Variants in CEP192 observed in about 807,000 individuals in gnomAD.
CEP192 encodes the protein centrosomal protein of 192 kDa.
CEP192 carries 151 observed loss-of-function variants against 271.8 expected under a neutral mutation model. The ratio of observed to expected loss-of-function variants is 0.56; its 90% confidence interval spans 0.49 to 0.64. The LOEUF is 0.64. Ranked by LOEUF, CEP192 falls within the 30% of genes least tolerant of loss-of-function variation. The pLI is 0.00. For missense variants in CEP192, 2,910 were observed against 3,020.5 expected (o/e 0.96, Z 0.86); for synonymous variants, 995 against 1,076.5 (o/e 0.92, Z 1.48).
chr18:13,006,657 G>A (rs929012964), intron 3 of CEP192, among the ~76,000 whole-genome samples: 19 of 151,896 alleles, frequency 1.3e-4, no homozygotes, highest in Admixed American at 1.0e-3. Context: ...TGTCTGATTT[G>A]TGGCTGTCTT....
At chr18:13,078,914 G>C (rs2038438768) in intron 30 of CEP192, among the ~76,000 whole-genome samples, 1 of 152,086 alleles carries the variant, frequency 6.6e-6, no homozygotes, top group African/African-American at 2.4e-5. Context: ...GTGATAGTTT[G>C]CTGAGAATGA....
intron 7 of CEP192, among the ~76,000 whole-genome samples, chr18:13,017,561 C>G (rs1396173493): frequency 6.6e-6 from 1 of 152,212 alleles, no homozygotes; most frequent in East Asian, 1.9e-4. Flanking sequence ...CATCTACACC[C>G]TCTTCCTCCA....
chr18:13,020,195 T>C (rs1257209736), intron 9 of CEP192, among the ~76,000 whole-genome samples: 1 of 152,198 alleles, frequency 6.6e-6, no homozygotes, highest in Admixed American at 6.5e-5. Flanking sequence ...CTCTTCATCT[T>C]GTAAAACAAA....
At chr18:13,104,037 G>A in intron 39 of CEP192, 2 of 355,446 alleles carry the variant, frequency 5.6e-6, no homozygotes, top group South Asian at 4.2e-5. Flanking sequence ...TTTCTCTTTA[G>A]ATGAGGATGA....
In CEP192 at chr18:13,038,580, GT is replaced by G; in HGVS notation, c.1809+2del. 6.5e-7 allele frequency: 1 copy of G among 1,549,716 alleles called. No individual in the cohort carries two copies. The highest frequency in any genetic ancestry group is 8.7e-7 in the Non-Finnish European group (1 of 1,145,312). On this transcript the variant is annotated splice_donor_variant, in intron 13 of 44. Coordinates refer to ENST00000506447, the MANE Select transcript of CEP192 (RefSeq NM_032142.4). LOFTEE classifies it high-confidence loss of function. ...TGGTGGTGGTAACAATGTGAAAAGA[GT>G]AAGTATGGAATCTGTTGGAAGTGCT...
At position 13,030,010 on chromosome 18, in the gene CEP192, G is replaced by C; in HGVS notation, c.1390+8G>C. ...TCGAAAAGAATAAAGACAGTAAGTG[G>C]ACTTTTTAAAAAATAGAGTGAAAGA... On this transcript the variant is annotated splice_region_variant and intron_variant, in intron 10 of 44. Coordinates refer to ENST00000506447, the MANE Select transcript of CEP192 (RefSeq NM_032142.4). 1 of 1,520,720 alleles carries C rather than the reference G, an allele frequency of 6.6e-7. No individual in the cohort carries two copies. The highest frequency in any genetic ancestry group is 8.9e-7 in the Non-Finnish European group (1 of 1,127,140). 94.2% of individuals were successfully genotyped at this position (1,520,720 alleles called of 1,614,324 possible).
chr18:13,033,906 A>G (rs961641316), intron 11 of CEP192, among the ~76,000 whole-genome samples: 1 of 152,264 alleles, frequency 6.6e-6, no homozygotes, highest in Non-Finnish European at 1.5e-5. Flanking sequence ...GATACTGACT[A>G]CAGGAATGTC....
intron 44 of CEP192, among the ~76,000 whole-genome samples, chr18:13,121,487 C>A (rs886943137): frequency 2.0e-5 from 3 of 152,194 alleles, no homozygotes; most frequent in Admixed American, 2.0e-4. Context: ...CAAGAAGGTA[C>A]AGGGGTTTTG....
At chr18:13,105,658 A>C (rs2039914271) in intron 40 of CEP192, among the ~76,000 whole-genome samples, 1 of 152,202 alleles carries the variant, frequency 6.6e-6, no homozygotes, top group African/African-American at 2.4e-5. Context: ...ACCGTAAAAG[A>C]ATCTTGAAAT....
chr18:13,031,530 A>C (rs1191394548), intron 11 of CEP192, among the ~76,000 whole-genome samples: 1 of 151,976 alleles, frequency 6.6e-6, no homozygotes, highest in African/African-American at 2.4e-5. Flanking sequence ...TACAGGCGTG[A>C]GCCACCGCGC....
At chr18:13,114,888 A>G (rs1022134619) in intron 42 of CEP192, among the ~76,000 whole-genome samples, 2 of 152,204 alleles carry the variant, frequency 1.3e-5, no homozygotes, top group Admixed American at 6.5e-5. Context: ...ATTCTTAAAA[A>G]GCTTTAAAAT....
At chr18:13,095,759 C>A (rs2039367623) in intron 35 of CEP192, 78 bp downstream of exon 35, 1 of 1,248,330 alleles carries the variant, frequency 8.0e-7, no homozygotes, top group Non-Finnish European at 1.1e-6. Flanking sequence ...CATGGCCTAT[C>A]CAAGACACAC....
At chr18:13,053,205 CTT>C in intron 18 of CEP192, 115 bp downstream of exon 18, 1 of 853,152 alleles carries the variant, frequency 1.2e-6, no homozygotes, top group Non-Finnish European at 1.8e-6. Context: ...GCTCTTTTAT[CTT>C]TAAAATGATT....
rs759558965 is a variant in CEP192 at position 13,100,520 on chromosome 18, A to G, written c.6871+8A>G. The G allele has an allele frequency of 1.3e-6, 2 of 1,585,088 alleles. No homozygotes were observed. The highest frequency in any genetic ancestry group is 1.7e-5 in the Admixed American group (1 of 59,910). On this transcript the variant is annotated splice_region_variant and intron_variant, in intron 38 of 44. Coordinates refer to ENST00000506447, the MANE Select transcript of CEP192 (RefSeq NM_032142.4). ...AACCTGGTGAAACTTCAGGTATTGT[A>G]TCACAAAATTATGTAATTCAAATGT...
At chr18:13,084,776 C>T (rs2038810417) in intron 30 of CEP192, among the ~76,000 whole-genome samples, 3 of 152,026 alleles carry the variant, frequency 2.0e-5, no homozygotes, top group African/African-American at 7.2e-5. Context: ...CTAATGATCG[C>T]CATTCTCACG....
rs2037994183 is a variant in CEP192 at position 13,071,204 on chromosome 18, T to C, written c.5340T>C (p.Gly1780=). Reference sequence around the variant, plus strand: ...TGGCTTGGGGAGGAGTCCCTCTAGGTAGAACACAGTAAGTGTCAAAGACTG... The same window carrying C: ...TGGCTTGGGGAGGAGTCCCTCTAGGCAGAACACAGTAAGTGTCAAAGACTG... The part of the protein sequence containing the change: ...QFLAWGGVPL[G]RTQLQKLALR... The change falls in exon 28 of 45, where the codon GGT becomes GGC. Residue 1780 remains glycine (G), a synonymous_variant. Coordinates refer to ENST00000506447, the MANE Select transcript of CEP192 (RefSeq NM_032142.4). The C allele has an allele frequency of 6.2e-7, 1 of 1,613,082 alleles. No homozygotes were observed. Among genetic ancestry groups the C allele is most frequent in the Admixed American group, 1.7e-5 (1 of 59,928 alleles).
chr18:13,117,246 G>A (rs8084728), intron 43 of CEP192, among the ~76,000 whole-genome samples: 20,795 of 151,952 alleles, frequency 0.14, 1,568 homozygotes, highest in East Asian at 0.31. Context: ...AAATTCCTTA[G>A]TATTTTATTT....
chr18:12,999,913 G>A (rs2033508239), intron 2 of CEP192, among the ~76,000 whole-genome samples: 1 of 148,668 alleles, frequency 6.7e-6, no homozygotes, highest in Non-Finnish European at 1.5e-5. Context: ...AACAAGTTGT[G>A]TTAGCGAAGT....
intron 44 of CEP192, among the ~76,000 whole-genome samples, 182 bp downstream of exon 44, chr18:13,117,825 C>T (rs1438837778): frequency 1.3e-5 from 2 of 152,196 alleles, no homozygotes; most frequent in African/African-American, 2.4e-5. Flanking sequence ...GGGACAGCTC[C>T]TGACCGTCCG....
Sources: allele counts gnomAD v4.1 joint callset (sites outside exome capture counted in the v4.1 genomes callset), GRCh38; gene constraint gnomAD v4.1.1; transcripts MANE v1.5; gene names NCBI Gene and HGNC (gene_info 2026-07-23, HGNC 2026-07-21).